Variants in FRMPD3 observed in about 807,000 individuals in gnomAD.
FRMPD3 encodes the protein FERM and PDZ domain-containing protein 3.
In FRMPD3, 42 loss-of-function variants were observed where a neutral mutation model predicts 97.9. The observed-to-expected ratio is 0.43, with a 90% CI of 0.34 to 0.55. FRMPD3 has a LOEUF of 0.55. FRMPD3 is among the 20% of genes least tolerant of loss of function. The pLI is 0.03. For synonymous variants in FRMPD3, 577 were observed against 581.1 expected (o/e 0.99, Z 0.10); for missense variants, 1,303 against 1,457.7 (o/e 0.89, Z 1.73).
At chrX:107,583,098 C>G (rs1569426994) in intron 13 of FRMPD3, among the ~76,000 whole-genome samples, 1 of 109,766 alleles carries the variant, frequency 9.1e-6, no homozygotes, top group Non-Finnish European at 1.9e-5. Flanking sequence ...TTCTTTTTCT[C>G]TTTTTTTCTT....
rs140473094 is a variant in FRMPD3, at chrX:107,509,761, T to C, written c.-7-16821T>C. Among the ~76,000 whole-genome samples, 855 of 110,689 alleles carry C rather than the reference T, an allele frequency of 7.7e-3. 7 individuals carry two copies. The highest frequency in any genetic ancestry group is 0.012 in the Non-Finnish European group (647 of 52,914). ...TCTTCTGTGCTTACATAGCATCCTC[T>C]GCTGCCCTCTGTGGTACCAGGTAAC... is the stretch of plus-strand genomic sequence containing the variant. On this transcript the variant is annotated intron_variant, in intron 1 of 14. Coordinates refer to ENST00000683843, the MANE Select transcript of FRMPD3 (RefSeq NM_001388459.1).
In FRMPD3 at chrX:107,603,187, CCAG is replaced by C. The variant is rs748437050; in HGVS notation, c.5160_5162del (p.Gln1743del). ...AGGAGTCCACAGCCCGTAACCTTAA[CCAG>C]CAGCAGCAGCAACAACAACAGCAGC... is the stretch of plus-strand genomic sequence containing the variant. On this transcript the variant is annotated inframe_deletion, in exon 15 of 15. Coordinates refer to ENST00000683843, the MANE Select transcript of FRMPD3 (RefSeq NM_001388459.1). The C allele has an allele frequency of 4.8e-6, 5 of 1,031,849 alleles. No individual in the cohort carries two copies. Among genetic ancestry groups the C allele is most frequent in the Admixed American group, 3.6e-5 (1 of 27,826 alleles). The allele number at this position is 1,031,849 out of a possible 1,213,427, so 85.0% of individuals were successfully genotyped here.
In FRMPD3 at chrX:107,603,338, A is replaced by G. The variant is rs774506862; in HGVS notation, c.5299A>G (p.Thr1767Ala). 1.1e-4 allele frequency: 119 copies of G among 1,132,468 alleles called. 1 individual carries two copies. The Admixed American group carries it at 1.9e-3, about 18-fold the overall frequency. The allele number at this position is 1,132,468 out of a possible 1,213,427, so 93.3% of individuals were successfully genotyped here. The change falls in exon 15 of 15, where the codon ACA (threonine) becomes GCA (alanine). Residue 1767 changes from threonine to alanine, a missense_variant. By Grantham distance (58) the Thr-to-Ala change is moderately conservative. Coordinates refer to ENST00000683843, the MANE Select transcript of FRMPD3 (RefSeq NM_001388459.1). ...CCCAACTTCGGCGACTGTTATGAGC[A>G]CATTCACCCACTCCTTAAAAACCCT... ...GSPTSATVMSTFTHSLKTLIK is the reference protein window; with the variant it reads ...GSPTSATVMSAFTHSLKTLIK
At position 107,601,673 on chromosome X, in the gene FRMPD3, G is replaced by A; in HGVS notation, c.3634G>A (p.Gly1212Ser). Residue 1212 changes from glycine (G) to serine (S), a missense_variant, in exon 15 of 15, where the codon GGT (glycine) becomes AGT (serine). Gly to Ser is a moderately conservative substitution (Grantham distance 56). Coordinates refer to ENST00000683843, the MANE Select transcript of FRMPD3 (RefSeq NM_001388459.1). The stretch of plus-strand genomic sequence containing the variant: ...CCCTGCCAAACCCAAGTCATCCCGA[G>A]GTCCTTTCCGGCTACGCAATTTATT... The part of the protein sequence containing the change: ...EGPAKPKSSR[G>S]PFRLRNLFSA... 2.5e-6 allele frequency: 3 copies of A among 1,211,085 alleles called. No homozygotes were observed. Among genetic ancestry groups the A allele is most frequent in the Non-Finnish European group, 3.4e-6 (3 of 895,496 alleles).
At chrX:107,598,286 G>T in intron 14 of FRMPD3, 144 bp downstream of exon 14, 1 of 489,954 alleles carries the variant, frequency 2.0e-6, no homozygotes, top group Non-Finnish European at 3.4e-6. Context: ...CTTTAGATAG[G>T]GTCAGAGGAG....
At chrX:107,514,511 T>TTTTTCC (rs1382157868) in intron 1 of FRMPD3, among the ~76,000 whole-genome samples, 6 of 108,036 alleles carry the variant, frequency 5.6e-5, no homozygotes, top group African/African-American at 1.4e-4. Flanking sequence ...TGAGCTTTCT[T>TTTTTCC]TTTTCCTTTT....
chrX:107,469,320 G>A (rs190252722), intron 1 of FRMPD3, among the ~76,000 whole-genome samples: 2 of 111,744 alleles, frequency 1.8e-5, no homozygotes, highest in Non-Finnish European at 3.8e-5. Flanking sequence ...CACATCTCAC[G>A]TGGATGGCAG....
intron 1 of FRMPD3, among the ~76,000 whole-genome samples, chrX:107,507,592 G>C (rs924543326): frequency 7.1e-5 from 8 of 112,563 alleles, no homozygotes; most frequent in Non-Finnish European, 1.5e-4. Flanking sequence ...CCTGCCCTCC[G>C]GTAGGGCGGG....
chrX:107,560,621 A>T, intron 9 of FRMPD3, 106 bp from the exon 10 acceptor site: 1 of 972,093 alleles, frequency 1.0e-6, no homozygotes, highest in Non-Finnish European at 1.4e-6. Context: ...CCCAGTCTCT[A>T]TTCCTCCATC....
chrX:107,509,838 A>G (rs1258634377), intron 1 of FRMPD3, among the ~76,000 whole-genome samples: 1 of 110,959 alleles, frequency 9.0e-6, no homozygotes, highest in East Asian at 2.8e-4. Flanking sequence ...TTAGACTGCA[A>G]TCTCCCTAAG....
At chrX:107,592,367 TA>T (rs1923948394) in intron 13 of FRMPD3, among the ~76,000 whole-genome samples, 1 of 111,879 alleles carries the variant, frequency 8.9e-6, no homozygotes, top group South Asian at 3.7e-4. Context: ...TCAACCACAT[TA>T]AAAAAATTTT....
At chrX:107,594,908 A>C (rs748309248) in intron 13 of FRMPD3, among the ~76,000 whole-genome samples, 1 of 112,625 alleles carries the variant, frequency 8.9e-6, no homozygotes, top group East Asian at 2.8e-4. Context: ...AAAAATTTAA[A>C]AAAACGACTT....
intron 12 of FRMPD3, among the ~76,000 whole-genome samples, chrX:107,575,102 G>A (rs1366322637): frequency 8.9e-6 from 1 of 112,073 alleles, no homozygotes; most frequent in Non-Finnish European, 1.9e-5. Flanking sequence ...GTTAACCCCA[G>A]GACTAATCTG....
At chrX:107,586,253 A>G (rs1369441533) in intron 13 of FRMPD3, among the ~76,000 whole-genome samples, 2 of 111,764 alleles carry the variant, frequency 1.8e-5, no homozygotes, top group Non-Finnish European at 3.8e-5. Flanking sequence ...GTATTCTCTG[A>G]TGGCAGTTTG....
At chrX:107,480,355 T>C (rs1381589743) in intron 1 of FRMPD3, among the ~76,000 whole-genome samples, 2 of 111,903 alleles carry the variant, frequency 1.8e-5, no homozygotes, top group Non-Finnish European at 3.8e-5. Context: ...CTCTGACTGA[T>C]ACTTGGGATG....
In FRMPD3 at chrX:107,474,348, C is replaced by G. The variant is rs1333138914; in HGVS notation, c.-8+24343C>G. ...GAAGATTCCAGAATTGAGGCTTGGTCTAGAGAGAGGGAGGCTAGGTGAAGA... is the reference window on the plus strand; with the variant it reads ...GAAGATTCCAGAATTGAGGCTTGGTGTAGAGAGAGGGAGGCTAGGTGAAGA... On this transcript the variant is annotated intron_variant, in intron 1 of 14. Coordinates refer to ENST00000683843, the MANE Select transcript of FRMPD3 (RefSeq NM_001388459.1). Among the ~76,000 whole-genome samples the G allele has an allele frequency of 3.6e-5, 4 of 110,787 alleles. No homozygotes were observed. The East Asian group carries it at 8.5e-4, about 23-fold the overall frequency.
intron 1 of FRMPD3, among the ~76,000 whole-genome samples, chrX:107,459,866 C>T (rs771821037): frequency 9.9e-4 from 96 of 97,216 alleles, no homozygotes; most frequent in African/African-American, 3.4e-3. Context: ...TGTGTGCGTG[C>T]GTGCACGCAA....
Position 107,545,414 on chromosome X carries a change from C to A in FRMPD3, c.298-323C>A, listed in dbSNP as rs987359873. ...AAAAAGACACCCTTTAGGTCTATCT[C>A]ACTGTAAGAAAACCAAATATATAAA... On this transcript the variant is annotated intron_variant, in intron 4 of 14. Coordinates refer to ENST00000683843, the MANE Select transcript of FRMPD3 (RefSeq NM_001388459.1). 3.3e-5 allele frequency: 5 copies of A among 152,119 alleles called. No homozygotes were observed. The Admixed American group carries it at 3.8e-4, about 12-fold the overall frequency. The allele number at this position is 152,119 out of a possible 1,213,427, so 12.5% of individuals were successfully genotyped here.
At chrX:107,489,410 C>G (rs1921595932) in intron 1 of FRMPD3, among the ~76,000 whole-genome samples, 2 of 111,780 alleles carry the variant, frequency 1.8e-5, no homozygotes, top group Non-Finnish European at 3.8e-5. Context: ...GGAATCGCCA[C>G]ACTGACTTCC....
Sources: allele counts gnomAD v4.1 joint callset (sites outside exome capture counted in the v4.1 genomes callset), GRCh38; gene constraint gnomAD v4.1.1; transcripts MANE v1.5; gene names NCBI Gene and HGNC (gene_info 2026-07-23, HGNC 2026-07-21).